The following VTI1A variants were observed in gnomAD, a reference collection of about 807,000 sequenced individuals.
VTI1A encodes the protein vesicle transport through interaction with t-SNAREs homolog 1A.
VTI1A carries 22 observed loss-of-function variants against 34.9 expected under a neutral mutation model. The ratio of observed to expected loss-of-function variants is 0.63; its 90% CI spans 0.45 to 0.90. The LOEUF is 0.90. Ranked by LOEUF, VTI1A falls within the 40% of genes least tolerant of loss-of-function variation. The pLI is 0.00. For missense variants in VTI1A, 268 were observed against 275.6 expected (o/e 0.97, Z 0.20); for synonymous variants, 87 against 97.3 (o/e 0.89, Z 0.62).
chr10:112,593,483 A>C (rs1481807721), intron 5 of VTI1A, among the ~76,000 whole-genome samples: 2 of 152,212 alleles, frequency 1.3e-5, no homozygotes, highest in Admixed American at 1.3e-4. Context: ...AGCCAGCTCG[A>C]GGTGATTGCC....
At chr10:112,618,510 T>TAGAGAGAGAGAGAGAG (rs1370121195) in intron 5 of VTI1A, among the ~76,000 whole-genome samples, 21 of 32,362 alleles carry the variant, frequency 6.5e-4, no homozygotes, top group Non-Finnish European at 9.0e-4. Context: ...TATATATATA[T>TAGAGAGAGAGAGAGAG]ATATATATAT....
rs563671442 is a variant in VTI1A at position 112,652,678 on chromosome 10, G to A, written c.428-15540G>A. 1.6e-4 allele frequency among the ~76,000 whole-genome samples: 23 copies of A among 143,786 alleles called. 1 individual carries two copies. Among genetic ancestry groups the A allele is most frequent in the Non-Finnish European group, 2.8e-4 (19 of 67,218 alleles). 94.3% of individuals were successfully genotyped at this position (143,786 alleles called of 152,430 possible). On this transcript the variant is annotated intron_variant, in intron 5 of 7. Transcript: ENST00000393077. ...AGAGGTCAAGGCTGCAGTGAGCCGT[G>A]TTCATGCCAGTGCACTCTAGCCTGG...
At chr10:112,848,454 TGACCCTGGTCA>T in the VTI1A span, among the ~76,000 whole-genome samples, 1 of 152,170 alleles carries the variant, frequency 6.6e-6, no homozygotes, top group Non-Finnish European at 1.5e-5. Context: ...CCCTGGCAAA[TGACCCTGGTCA>T]GACCTTGGAG....
chr10:112,816,978 G>A lies in VTI1A; in HGVS notation c.*1595G>A, dbSNP rs1454831918. 2 of 231,884 alleles carry A rather than the reference G, an allele frequency of 8.6e-6. No homozygotes were observed. Among genetic ancestry groups the A allele is most frequent in the East Asian group, 6.1e-5 (1 of 16,400 alleles). The allele number at this position is 231,884 out of a possible 1,614,324, so 14.4% of individuals were successfully genotyped here. ...GCTGCAGCCTTTACTTCGGAGGGAT[G>A]GTGTGGGATTTTGGCCGAGGGAAGC... On this transcript the variant is annotated 3_prime_UTR_variant, in exon 8 of 8. Coordinates refer to ENST00000393077, the MANE Select transcript of VTI1A (RefSeq NM_145206.4).
chr10:112,777,606 T>C (rs1371575496), intron 7 of VTI1A, among the ~76,000 whole-genome samples: 2 of 152,154 alleles, frequency 1.3e-5, no homozygotes, highest in Admixed American at 1.3e-4. Context: ...TCCTCAGTAG[T>C]TTTTGGTGAT....
intron 7 of VTI1A, among the ~76,000 whole-genome samples, chr10:112,751,689 A>C (rs1415968384): frequency 1.3e-5 from 2 of 152,198 alleles, no homozygotes; most frequent in Non-Finnish European, 2.9e-5. Context: ...CACTGAAATA[A>C]GGAAATAGAG....
chr10:112,460,703 C>A, intron 2 of VTI1A, 121 bp downstream of exon 2: 2 of 707,652 alleles, frequency 2.8e-6, no homozygotes, highest in Non-Finnish European at 2.1e-6. Flanking sequence ...TTTTATAATT[C>A]AGAATTTGTC....
intron 7 of VTI1A, among the ~76,000 whole-genome samples, chr10:112,742,839 T>C (rs1276627130): frequency 2.6e-5 from 4 of 152,192 alleles, no homozygotes; most frequent in African/African-American, 7.2e-5. Flanking sequence ...TACAAAAAGC[T>C]ATGATAAATG....
At chr10:112,669,247 A>G (rs567032040) in intron 7 of VTI1A, among the ~76,000 whole-genome samples, 2 of 152,272 alleles carry the variant, frequency 1.3e-5, no homozygotes, top group African/African-American at 4.8e-5. Flanking sequence ...TTAGGGTTAG[A>G]CATGAAGTAT....
intron 5 of VTI1A, among the ~76,000 whole-genome samples, chr10:112,575,242 C>G (rs574374331): frequency 1.3e-5 from 2 of 152,326 alleles, no homozygotes; most frequent in African/African-American, 2.4e-5. Flanking sequence ...TTTGCTTTCT[C>G]TCATCTAATG....
chr10:112,618,924 T>C (rs978294835), intron 5 of VTI1A, among the ~76,000 whole-genome samples: 42 of 152,104 alleles, frequency 2.8e-4, no homozygotes, highest in African/African-American at 9.4e-4. Flanking sequence ...ATTACAGAAG[T>C]GAGTTTTGTT....
chr10:112,814,167 T>C (rs1424562849), intron 7 of VTI1A, among the ~76,000 whole-genome samples: 1 of 152,164 alleles, frequency 6.6e-6, no homozygotes, highest in Non-Finnish European at 1.5e-5. Flanking sequence ...AGTAGGGGTG[T>C]GGGGTCTCTG....
intron 7 of VTI1A, among the ~76,000 whole-genome samples, chr10:112,811,666 A>C (rs1853308819): frequency 7.3e-6 from 1 of 136,406 alleles, no homozygotes; most frequent in Non-Finnish European, 1.5e-5. Context: ...CCTGGGCGAC[A>C]GAGCGAGACT....
intron 7 of VTI1A, among the ~76,000 whole-genome samples, chr10:112,721,725 C>T (rs1377201220): frequency 1.3e-5 from 2 of 152,072 alleles, no homozygotes; most frequent in East Asian, 1.9e-4. Flanking sequence ...GACTTTATAC[C>T]ATTATTTCAG....
chr10:112,540,121 C>G (rs74158733), intron 5 of VTI1A, among the ~76,000 whole-genome samples: 6,152 of 152,164 alleles, frequency 0.04, 413 homozygotes, highest in African/African-American at 0.14. Context: ...GGGCTACATA[C>G]TTGTGTGTCT....
intron 3 of VTI1A, among the ~76,000 whole-genome samples, chr10:112,522,242 A>G (rs1335733634): frequency 6.6e-6 from 1 of 152,066 alleles, no homozygotes; most frequent in African/African-American, 2.4e-5. Flanking sequence ...AACCTTGGGC[A>G]TTATTAAATA....
the VTI1A span, among the ~76,000 whole-genome samples, chr10:112,835,990 G>C: frequency 1.3e-5 from 2 of 152,284 alleles, no homozygotes; most frequent in African/African-American, 4.8e-5. Flanking sequence ...AAAAACAGCA[G>C]CTAATGACAT....
At chr10:112,457,449 T>G (rs1335629077) in intron 1 of VTI1A, among the ~76,000 whole-genome samples, 1 of 152,226 alleles carries the variant, frequency 6.6e-6, no homozygotes, top group East Asian at 1.9e-4. Flanking sequence ...ATGTGAGGGA[T>G]AAATCATTAG....
chr10:112,761,330 G>C (rs992232972), intron 7 of VTI1A, among the ~76,000 whole-genome samples: 1 of 152,150 alleles, frequency 6.6e-6, no homozygotes, highest in African/African-American at 2.4e-5. Context: ...TACTGGTAAG[G>C]TTTGTTTTAA....
Sources: allele counts gnomAD v4.1 joint callset (sites outside exome capture counted in the v4.1 genomes callset), GRCh38; gene constraint gnomAD v4.1.1; transcripts MANE v1.5; gene names NCBI Gene and HGNC (gene_info 2026-07-23, HGNC 2026-07-21).